AP4E1: variants seen among roughly 807,000 people sequenced by gnomAD.
AP4E1 encodes the protein AP-4 complex subunit epsilon-1.
A neutral mutation model predicts 128.2 loss-of-function variants in AP4E1; 56 were observed. That is an observed-to-expected ratio of 0.44 (90% confidence interval 0.35 to 0.55). The LOEUF (loss-of-function observed/expected upper bound fraction) is 0.55, where lower values mean the gene tolerates loss of function less well. AP4E1 is among the 20% of genes least tolerant of loss of function. AP4E1 has a pLI of 0.00. For synonymous variants in AP4E1, 484 were observed against 473.1 expected (o/e 1.02, Z -0.30); for missense variants, 1,324 against 1,307.7 (o/e 1.01, Z -0.19).
At chr15:50,942,575 TTAA>T (rs2064002369) in intron 10 of AP4E1, among the ~76,000 whole-genome samples, 1 of 150,604 alleles carries the variant, frequency 6.6e-6, no homozygotes. Context: ...AAGGAAAGGC[TTAA>T]TAATATCATC....
intron 13 of AP4E1, among the ~76,000 whole-genome samples, chr15:50,951,857 G>T (rs1020498307): frequency 1.3e-5 from 2 of 150,942 alleles, no homozygotes; most frequent in African/African-American, 4.9e-5. Context: ...ATCCCGAGTT[G>T]CTGGGATTAC....
At chr15:50,958,040 T>A (rs2064254458) in intron 13 of AP4E1, among the ~76,000 whole-genome samples, 1 of 152,130 alleles carries the variant, frequency 6.6e-6, no homozygotes, top group Non-Finnish European at 1.5e-5. Context: ...TATTCAAATG[T>A]ATATTCTCGG....
At position 50,948,126 on chromosome 15, in the gene AP4E1, A is replaced by C; in HGVS notation, c.1283A>C (p.Asn428Thr). The change falls in exon 11 of 21, where the codon AAT (asparagine) becomes ACT (threonine). Residue 428 changes from asparagine (N) to threonine (T), a missense_variant. Physicochemically the swap from Asn to Thr is moderately conservative, Grantham distance 65. Transcript: ENST00000261842. ...HQSKEEYVIV[N>T]LVGKIAELAE... is the part of the protein sequence containing the mutation. ...AGCAAAGAAGAGTATGTCATCGTCA[A>C]TTTGGTCGGCAAAATAGCAGAGCTG... The C allele has an allele frequency of 6.2e-7, 1 of 1,613,988 alleles. No homozygotes were observed. Among genetic ancestry groups the C allele is most frequent in the South Asian group, 1.1e-5 (1 of 91,086 alleles).
chr15:50,966,074 C>T (rs542466438), intron 14 of AP4E1, among the ~76,000 whole-genome samples: 6 of 151,992 alleles, frequency 3.9e-5, no homozygotes, highest in Admixed American at 6.6e-5. Flanking sequence ...CGCGCCACCA[C>T]GCCTGGCTAA....
chr15:50,930,708 A>G, intron 6 of AP4E1, 97 bp from the exon 7 acceptor site: 4 of 1,151,710 alleles, frequency 3.5e-6, no homozygotes, highest in Non-Finnish European at 5.2e-6. Flanking sequence ...CATAAACTTA[A>G]GTATGTATTA....
At position 50,908,732 on chromosome 15, in the gene AP4E1, C is replaced by A. The variant is rs773502598; in HGVS notation, c.-47C>A. The A allele has an allele frequency of 4.7e-6, 7 of 1,479,558 alleles. No homozygotes were observed. The highest frequency in any genetic ancestry group is 2.0e-4 in the Middle Eastern group (1 of 5,108). 91.7% of individuals were successfully genotyped at this position (1,479,558 alleles called of 1,614,324 possible). ...AGCGGCGGCCGGGCATGAAGCCGGG[C>A]GGCTACGGGATCGCGGGCGGCGGCG... is the stretch of plus-strand genomic sequence containing the variant. On this transcript the variant is annotated 5_prime_UTR_variant, in exon 1 of 21. Transcript: ENST00000261842.
At chr15:50,945,336 C>CT in intron 10 of AP4E1, 1 of 780,322 alleles carries the variant, frequency 1.3e-6, no homozygotes. Flanking sequence ...TACTGTACAA[C>CT]ATGAGGCAAG....
chr15:50,946,891 C>G (rs544906895), intron 10 of AP4E1, among the ~76,000 whole-genome samples: 2 of 152,324 alleles, frequency 1.3e-5, no homozygotes, highest in African/African-American at 2.4e-5. Flanking sequence ...GCTGTAGCAG[C>G]TGTGCGCTGT....
intron 11 of AP4E1, among the ~76,000 whole-genome samples, chr15:50,948,383 C>A (rs1233467892): frequency 7.0e-6 from 1 of 143,160 alleles, no homozygotes; most frequent in African/African-American, 2.6e-5. Context: ...TCATGTAGTC[C>A]AGTATTTTGA....
Position 50,929,087 on chromosome 15 carries a change from T to C in AP4E1, c.621T>C (p.His207=). 1 of 1,613,884 alleles carries C rather than the reference T, an allele frequency of 6.2e-7. No homozygotes were observed. The highest frequency in any genetic ancestry group is 8.5e-7 in the Non-Finnish European group (1 of 1,179,864). The change falls in exon 6 of 21, where the codon CAT becomes CAC. Residue 207 remains histidine, a synonymous_variant. Coordinates refer to ENST00000261842, the MANE Select transcript of AP4E1 (RefSeq NM_007347.5). ...LIAPNQVQHI[H]IKFRKALCDR... ...CTCCTAATCAAGTACAACATATTCA[T>C]ATTAAGTTTCGGAAAGCACTTTGTG...
intron 17 of AP4E1, 94 bp from the exon 18 acceptor site, chr15:50,997,232 T>A (rs906128051): frequency 8.8e-7 from 1 of 1,140,768 alleles, no homozygotes; most frequent in Non-Finnish European, 1.2e-6. Context: ...CTTAGCAAAT[T>A]GTTATATTGC....
chr15:50,962,802 G>A (rs1348591561), intron 14 of AP4E1, among the ~76,000 whole-genome samples: 1 of 142,352 alleles, frequency 7.0e-6, no homozygotes, highest in Non-Finnish European at 1.5e-5. Context: ...ACAATCAATA[G>A]AGTGAAGAAA....
intron 5 of AP4E1, 81 bp downstream of exon 5, chr15:50,925,300 C>A: frequency 1.4e-6 from 2 of 1,397,510 alleles, no homozygotes; most frequent in Non-Finnish European, 1.0e-6. Context: ...ATTACAACTT[C>A]AGTGCTACCA....
chr15:50,941,300 C>T (rs956547604), intron 8 of AP4E1, 142 bp from the exon 9 acceptor site: 10 of 872,280 alleles, frequency 1.1e-5, no homozygotes, highest in East Asian at 8.1e-5. Context: ...AAAGTAGTAG[C>T]GTTTGTTTCT....
intron 11 of AP4E1, 117 bp downstream of exon 11, chr15:50,948,276 ATTCCTGAT>A: frequency 2.4e-6 from 3 of 1,253,388 alleles, no homozygotes; most frequent in Non-Finnish European, 3.3e-6. Context: ...AATACTTTTT[ATTCCTGAT>A]TTTCAAGCCT....
intron 3 of AP4E1, among the ~76,000 whole-genome samples, chr15:50,917,375 C>A (rs980600624): frequency 6.6e-6 from 1 of 152,168 alleles, no homozygotes; most frequent in Admixed American, 6.5e-5. Flanking sequence ...CTTTTCATCG[C>A]ATTTCTTTTA....
At chr15:50,964,925 G>A (rs1023769831) in intron 14 of AP4E1, among the ~76,000 whole-genome samples, 25 of 137,274 alleles carry the variant, frequency 1.8e-4, no homozygotes, top group African/African-American at 7.1e-4. Flanking sequence ...TGAGAGATCT[G>A]GTTATTGTAA....
intron 1 of AP4E1, among the ~76,000 whole-genome samples, chr15:50,911,044 A>G (rs1466591798): frequency 6.6e-6 from 1 of 152,220 alleles, no homozygotes; most frequent in Non-Finnish European, 1.5e-5. Flanking sequence ...AATTTTTTAA[A>G]AAGTTATTTT....
chr15:50,930,876 G>A lies in AP4E1; in HGVS notation c.774G>A (p.Lys258=), dbSNP rs762149705. 1.4e-5 allele frequency: 22 copies of A among 1,613,968 alleles called. No individual in the cohort carries two copies. The highest frequency in any genetic ancestry group is 1.7e-5 in the Non-Finnish European group (20 of 1,180,016). The part of the protein sequence containing the change: ...VTILKQVVGG[K]LPVEFNYHSV... ...TTTTGAAGCAAGTAGTTGGAGGAAA[G>A]CTCCCAGTAGAATTCAATTACCACA... Residue 258 remains lysine, a synonymous_variant, in exon 7 of 21, where the codon AAG becomes AAA. Coordinates refer to ENST00000261842, the MANE Select transcript of AP4E1 (RefSeq NM_007347.5).
Sources: gnomAD v4.1 joint callset for allele counts (sites outside exome capture counted in the v4.1 genomes callset) on GRCh38, gnomAD v4.1.1 for gene constraint, MANE v1.5 for transcripts, NCBI Gene and HGNC (gene_info 2026-07-23, HGNC 2026-07-21) for gene names.